Variants in SUGP1 observed in about 807,000 individuals in gnomAD.
The protein encoded by SUGP1 is SURP and G-patch domain containing 1.
Under a neutral mutation model 76.5 loss-of-function variants are expected in SUGP1, and 34 were observed. The ratio of observed to expected loss-of-function variants is 0.44; its 90% CI spans 0.34 to 0.59. The LOEUF (loss-of-function observed/expected upper bound fraction) is 0.59, where lower values mean the gene tolerates loss of function less well. Among genes scored for constraint, SUGP1 ranks in the 20% least tolerant of loss-of-function variants. The pLI, the probability that SUGP1 is intolerant of heterozygous loss-of-function variation, is 0.01. For missense variants in SUGP1, 752 were observed against 851.7 expected (o/e 0.88, Z 1.46); for synonymous variants, 326 against 326.2 (o/e 1.00, Z 0.01).
At chr19:19,278,483 G>A (rs887407242) in intron 11 of SUGP1, among the ~76,000 whole-genome samples, 1 of 152,190 alleles carries the variant, frequency 6.6e-6, no homozygotes, top group African/African-American at 2.4e-5. Context: ...CCCAGGAAAT[G>A]TTTCTGAGGC....
At chr19:19,308,294 C>A (rs928134447) in intron 3 of SUGP1, among the ~76,000 whole-genome samples, 11 of 152,190 alleles carry the variant, frequency 7.2e-5, no homozygotes, top group African/African-American at 2.4e-4. Context: ...TTCGGCCTCC[C>A]AAAGTGCTGA....
rs557035414 is a variant in SUGP1 at position 19,313,505 on chromosome 19, G to C, written c.206+2917C>G. Among the ~76,000 whole-genome samples, 19 of 152,266 alleles carry C rather than the reference G, an allele frequency of 1.2e-4. No individual in the cohort carries two copies. In the South Asian group the frequency reaches 3.9e-3, roughly 32 times the overall value. ...GTAGGAGGATCACTTGAACCCAGAA[G>C]TTCAAAACCAACCTGGGCAACATAG... On this transcript the variant is annotated intron_variant, in intron 2 of 13. Transcript: ENST00000247001.
In SUGP1 at chr19:19,305,843, A is replaced by G. The variant is rs372348268; in HGVS notation, c.538+6T>C. 21 of 1,595,390 alleles carry G rather than the reference A, an allele frequency of 1.3e-5. No homozygotes were observed. Among genetic ancestry groups the G allele is most frequent in the Middle Eastern group, 1.7e-4 (1 of 6,028 alleles). Reference sequence around the variant, plus strand: ...TGGTGGGGGAGCAGCAGCTCCCACAACTTACCTTTGATCTCCAGCCACTGC... The same window carrying G: ...TGGTGGGGGAGCAGCAGCTCCCACAGCTTACCTTTGATCTCCAGCCACTGC... On this transcript the variant is annotated splice_donor_region_variant and intron_variant, in intron 4 of 13. Transcript: ENST00000247001.
chr19:19,297,400 A>ATTCGGGGCAGGAGCAGTTCTGGCC, intron 7 of SUGP1, 56 bp from the exon 8 acceptor site: 4 of 1,349,530 alleles, frequency 3.0e-6, no homozygotes, highest in Non-Finnish European at 4.0e-6. Context: ...CCTGTCCCTG[A>ATTCGGGGCAGGAGCAGTTCTGGCC]TTCTGGGCAG....
chr19:19,306,430 T>C (rs2061318589), intron 3 of SUGP1, among the ~76,000 whole-genome samples: 1 of 152,146 alleles, frequency 6.6e-6, no homozygotes, highest in Non-Finnish European at 1.5e-5. Context: ...AACCATTCCC[T>C]TGGAGGTCTG....
chr19:19,297,028 C>T lies in SUGP1; in HGVS notation c.1204G>A (p.Val402Met). 1 of 1,599,798 alleles carries T rather than the reference C, an allele frequency of 6.3e-7. No homozygotes were observed. The highest frequency in any genetic ancestry group is 8.5e-7 in the Non-Finnish European group (1 of 1,169,948). ...DKVELPPAEL[V>M]QRDVDASPSP... ...GGAGAGGCATCCACGTCCCTCTGCA[C>T]CAGTTCAGCAGGTGGGAGCTCTACC... Residue 402 changes from valine (V) to methionine (M), a missense_variant, in exon 8 of 14, where the codon GTG becomes ATG. Val to Met is a conservative substitution (Grantham distance 21). Around this residue, in one of 2 missense-constraint regions of SUGP1, gnomAD observed 620 missense variants for 617.3 expected, o/e 1.00. Coordinates refer to ENST00000247001, the MANE Select transcript of SUGP1 (RefSeq NM_172231.4).
At chr19:19,277,308 A>G (rs942656970) in intron 12 of SUGP1, among the ~76,000 whole-genome samples, 1 of 151,560 alleles carries the variant, frequency 6.6e-6, no homozygotes. Context: ...CCCACAGTGC[A>G]AGTTGTCGCA....
chr19:19,298,764 G>A (rs748557194), intron 7 of SUGP1, among the ~76,000 whole-genome samples: 2 of 152,212 alleles, frequency 1.3e-5, no homozygotes, highest in African/African-American at 2.4e-5. Context: ...CTTGACAGCC[G>A]GGTGAGTTCA....
Position 19,276,365 on chromosome 19 carries a change from T to G in SUGP1, c.*283A>C. 1 of 403,512 alleles carries G rather than the reference T, an allele frequency of 2.5e-6. No homozygotes were observed. Among genetic ancestry groups the G allele is most frequent in the Non-Finnish European group, 4.6e-6 (1 of 218,942 alleles). The allele number at this position is 403,512 out of a possible 1,614,324, so 25.0% of individuals were successfully genotyped here. ...TGCACCTGGCCTTCCAGCTTTACTA[T>G]GCTGAAAACAACTTTCTTCCTCCCC... On this transcript the variant is annotated 3_prime_UTR_variant, in exon 14 of 14. Coordinates refer to ENST00000247001, the MANE Select transcript of SUGP1 (RefSeq NM_172231.4).
intron 8 of SUGP1, among the ~76,000 whole-genome samples, chr19:19,283,312 G>A (rs1205838428): frequency 2.0e-5 from 3 of 151,964 alleles, no homozygotes; most frequent in Non-Finnish European, 4.4e-5. Flanking sequence ...TGTCACCCAC[G>A]CTGGAGTGTA....
At chr19:19,303,235 A>G in intron 6 of SUGP1, 113 bp downstream of exon 6, 2 of 863,172 alleles carry the variant, frequency 2.3e-6, no homozygotes, top group South Asian at 1.5e-5. Flanking sequence ...ACAGGCCTCA[A>G]CCACCGGTGC....
chr19:19,302,480 T>C, intron 6 of SUGP1, 92 bp from the exon 7 acceptor site: 1 of 1,526,402 alleles, frequency 6.6e-7, no homozygotes. Flanking sequence ...TGGGGTTTGT[T>C]TTAGGAATGA....
intron 5 of SUGP1, 122 bp from the exon 6 acceptor site, chr19:19,303,570 C>A (rs114573949): frequency 0.013 from 16,873 of 1,334,482 alleles, 139 homozygotes; most frequent in Non-Finnish European, 0.015. Flanking sequence ...AGCAAGTCTC[C>A]GTGCCACATG....
chr19:19,286,876 T>C (rs751288879), intron 8 of SUGP1, among the ~76,000 whole-genome samples: 1 of 151,850 alleles, frequency 6.6e-6, no homozygotes, highest in Non-Finnish European at 1.5e-5. Flanking sequence ...AAACCACATG[T>C]CTACTAAAAA....
At chr19:19,320,385 G>T (rs755767289) in intron 1 of SUGP1, 78 bp downstream of exon 1, 3 of 1,499,568 alleles carry the variant, frequency 2.0e-6, no homozygotes, top group Non-Finnish European at 2.7e-6. Flanking sequence ...GTCGCAGCAG[G>T]ACGGACCCGA....
At chr19:19,315,111 G>C (rs1281194365) in intron 2 of SUGP1, among the ~76,000 whole-genome samples, 1 of 152,194 alleles carries the variant, frequency 6.6e-6, no homozygotes, top group African/African-American at 2.4e-5. Context: ...AGGATCACTT[G>C]AGTCTAGGAG....
chr19:19,317,480 G>A (rs928830233), intron 1 of SUGP1, among the ~76,000 whole-genome samples: 11 of 152,106 alleles, frequency 7.2e-5, no homozygotes, highest in African/African-American at 2.7e-4. Flanking sequence ...AAGGGCTTTG[G>A]GGAGTGATGG....
At chr19:19,290,288 T>A (rs1474453793) in intron 8 of SUGP1, among the ~76,000 whole-genome samples, 3 of 152,188 alleles carry the variant, frequency 2.0e-5, no homozygotes, top group Admixed American at 6.5e-5. Flanking sequence ...TACATAAATC[T>A]ATACAAGGAG....
intron 2 of SUGP1, among the ~76,000 whole-genome samples, chr19:19,314,634 C>T (rs1189561180): frequency 6.6e-6 from 1 of 152,170 alleles, no homozygotes; most frequent in Non-Finnish European, 1.5e-5. Flanking sequence ...CAGGAGGGAC[C>T]AGGAAGAGGT....
Sources: gnomAD v4.1 joint callset for allele counts (sites outside exome capture counted in the v4.1 genomes callset) on GRCh38, gnomAD v4.1.1 for gene constraint, gnomAD v4.1.1 regional missense constraint, MANE v1.5 for transcripts, NCBI Gene and HGNC (gene_info 2026-07-23, HGNC 2026-07-21) for gene names.